The following ARFIP1 variants were observed in gnomAD, a reference collection of about 807,000 sequenced individuals.
ARFIP1 encodes ARF interacting protein 1.
In ARFIP1, 24 loss-of-function variants were observed where a neutral mutation model predicts 42.5. The observed-to-expected ratio is 0.57, with a 90% CI of 0.41 to 0.80. The LOEUF (loss-of-function observed/expected upper bound fraction) is 0.80. Among genes scored for constraint, ARFIP1 ranks in the 30% least tolerant of loss-of-function variants. The pLI is 0.00. For synonymous variants in ARFIP1, 141 were observed against 153.7 expected, an observed-to-expected ratio of 0.92 and a Z score of 0.61; for missense variants, 354 against 434.0, an observed-to-expected ratio of 0.82 and a Z score of 1.64.
intron 1 of ARFIP1, among the ~76,000 whole-genome samples, chr4:152,813,431 G>A (rs1729627128): frequency 6.6e-6 from 1 of 152,016 alleles, no homozygotes; most frequent in South Asian, 2.1e-4. Flanking sequence ...TCTCTACTCT[G>A]CGTTTTTCCT....
intron 2 of ARFIP1, among the ~76,000 whole-genome samples, chr4:152,862,707 T>C (rs538640879): frequency 1.3e-5 from 2 of 152,188 alleles, no homozygotes; most frequent in Non-Finnish European, 2.9e-5. Context: ...AATAGAAAAG[T>C]GATTTTATTG....
At chr4:152,864,880 CT>C (rs1734190753) in intron 3 of ARFIP1, among the ~76,000 whole-genome samples, 1 of 129,408 alleles carries the variant, frequency 7.7e-6, no homozygotes, top group Non-Finnish European at 1.7e-5. Flanking sequence ...TGGCTCCTTT[CT>C]TAATGCTTTT....
chr4:152,840,282 G>A (rs1393812550), intron 2 of ARFIP1, among the ~76,000 whole-genome samples: 1 of 152,190 alleles, frequency 6.6e-6, no homozygotes, highest in Admixed American at 6.5e-5. Flanking sequence ...CCAAGGTATA[G>A]TTTAAATCCA....
At chr4:152,846,758 A>G (rs1378426715) in intron 2 of ARFIP1, among the ~76,000 whole-genome samples, 1 of 152,166 alleles carries the variant, frequency 6.6e-6, no homozygotes, top group Non-Finnish European at 1.5e-5. Context: ...ACTTATATAC[A>G]TGTTTCTTTT....
chr4:152,804,367 T>TATATATAATATAACATGTATTATATATA (rs1728796219), intron 1 of ARFIP1, among the ~76,000 whole-genome samples: 2 of 95,112 alleles, frequency 2.1e-5, no homozygotes, highest in African/African-American at 4.6e-5. Context: ...TATTATATAT[T>TATATATAATATAACATGTATTATATATA]ATATATAATA....
At chr4:152,901,320 G>C (rs754542252) in intron 8 of ARFIP1, among the ~76,000 whole-genome samples, 2 of 152,018 alleles carry the variant, frequency 1.3e-5, no homozygotes, top group Non-Finnish European at 2.9e-5. Context: ...GAAAGTTTTC[G>C]GTGTAGTCCA....
At position 152,786,181 on chromosome 4, in the gene ARFIP1, A is replaced by G. The variant is rs115420668; in HGVS notation, c.-10+5955A>G. On this transcript the variant is annotated intron_variant, in intron 1 of 8. Coordinates refer to ENST00000353617, the MANE Select transcript of ARFIP1 (RefSeq NM_001025595.3). The stretch of plus-strand genomic sequence containing the variant: ...GGGGATTATAGTTAGCTGCTTTTCT[A>G]GGATAAAGATGTCAGCTTCATTAAG... Among the ~76,000 whole-genome samples the G allele has an allele frequency of 1.7e-3, 253 of 152,326 alleles. 1 individual carries two copies. The highest frequency in any genetic ancestry group is 5.4e-3 in the African/African-American group (225 of 41,572).
At chr4:152,904,176 G>GTATATATATATATATATATA (rs1435452275) in intron 8 of ARFIP1, among the ~76,000 whole-genome samples, 1 of 98,996 alleles carries the variant, frequency 1.0e-5, no homozygotes, top group African/African-American at 3.6e-5. Context: ...ATATGTGTGT[G>GTATATATATATATATATATA]TGTGTATATA....
At chr4:152,833,733 A>G (rs1334097742) in intron 2 of ARFIP1, among the ~76,000 whole-genome samples, 1 of 152,234 alleles carries the variant, frequency 6.6e-6, no homozygotes, top group African/African-American at 2.4e-5. Context: ...GTAACAGCAT[A>G]GGTGAACCTG....
chr4:152,904,351 C>T (rs1469763516), intron 8 of ARFIP1, among the ~76,000 whole-genome samples: 1 of 151,776 alleles, frequency 6.6e-6, no homozygotes, highest in Non-Finnish European at 1.5e-5. Flanking sequence ...GCCACCACGC[C>T]CGGCTCATTT....
intron 1 of ARFIP1, among the ~76,000 whole-genome samples, chr4:152,793,536 A>G (rs1731257130): frequency 6.6e-6 from 1 of 152,032 alleles, no homozygotes; most frequent in South Asian, 2.1e-4. Context: ...CTCCATATGT[A>G]CTAAGTTTTC....
intron 3 of ARFIP1, among the ~76,000 whole-genome samples, chr4:152,864,283 A>G (rs1369938147): frequency 6.6e-6 from 1 of 152,158 alleles, no homozygotes; most frequent in Non-Finnish European, 1.5e-5. Flanking sequence ...GACTCTTCCA[A>G]GCTGTTCTTA....
chr4:152,802,387 G>T (rs564189068), intron 1 of ARFIP1, among the ~76,000 whole-genome samples: 1 of 152,182 alleles, frequency 6.6e-6, no homozygotes, highest in South Asian at 2.1e-4. Context: ...CTGAACTTAA[G>T]AATTTGATCC....
In ARFIP1 at chr4:152,846,368, AACGCACACAC is replaced by A. The variant is rs1015054603; in HGVS notation, c.93+16655_93+16664del. ...GAATCTGAAATAAAAGTTGAAATTA[AACGCACACAC>A]ACGCACACACACACACAAAGAGCAT... is the stretch of plus-strand genomic sequence containing the variant. On this transcript the variant is annotated intron_variant, in intron 2 of 8. Coordinates refer to ENST00000353617, the MANE Select transcript of ARFIP1 (RefSeq NM_001025595.3). Among the ~76,000 whole-genome samples, 6 of 152,148 alleles carry A rather than the reference AACGCACACAC, an allele frequency of 3.9e-5. No homozygotes were observed. The South Asian group carries it at 6.2e-4, about 16-fold the overall frequency.
rs577983192 is a variant in ARFIP1, at chr4:152,782,215, C to G, written c.-10+1989C>G. On this transcript the variant is annotated intron_variant, in intron 1 of 8. Coordinates refer to ENST00000353617, the MANE Select transcript of ARFIP1 (RefSeq NM_001025595.3). ...AGTGTCTTGTTGAAGTTAGTGAAAA[C>G]AGGTAGGGGTGTGTGTGTGTGTGTG... Among the ~76,000 whole-genome samples, 313 of 138,434 alleles carry G rather than the reference C, an allele frequency of 2.3e-3. 1 individual carries two copies. Among genetic ancestry groups the G allele is most frequent in the Non-Finnish European group, 4.0e-3 (263 of 65,492 alleles). 90.8% of individuals were successfully genotyped at this position (138,434 alleles called of 152,430 possible). A position where few individuals can be genotyped will look rare whatever the true frequency, so the allele number is the denominator to read the frequency against.
chr4:152,814,736 T>G (rs1416417768), intron 1 of ARFIP1, among the ~76,000 whole-genome samples: 1 of 152,114 alleles, frequency 6.6e-6, no homozygotes, highest in Non-Finnish European at 1.5e-5. Context: ...GGTAAAAGAA[T>G]AAGCAAAAGT....
At chr4:152,864,083 A>G (rs1233334667) in intron 3 of ARFIP1, among the ~76,000 whole-genome samples, 3 of 152,194 alleles carry the variant, frequency 2.0e-5, no homozygotes, top group Non-Finnish European at 4.4e-5. Flanking sequence ...AAATAGAAAA[A>G]TGAACTTTTT....
chr4:152,815,493 A>G (rs1283615627), intron 1 of ARFIP1, among the ~76,000 whole-genome samples: 2 of 152,168 alleles, frequency 1.3e-5, no homozygotes, highest in African/African-American at 4.8e-5. Context: ...CCAGTAACCT[A>G]CTTACCTTCT....
chr4:152,808,282 C>CCTTTTTTTTTTTTTTTTTTTTTTTTTTTT (rs1729145464), intron 1 of ARFIP1, among the ~76,000 whole-genome samples: 1 of 15,552 alleles, frequency 6.4e-5, no homozygotes. Context: ...GCCTGGCCTC[C>CCTTTTTTTTTTTTTTTTTTTTTTTTTTTT]ATTTTTTTTT....
Sources: allele counts gnomAD v4.1 joint callset (sites outside exome capture counted in the v4.1 genomes callset), GRCh38; gene constraint gnomAD v4.1.1; transcripts MANE v1.5; gene names NCBI Gene and HGNC (gene_info 2026-07-23, HGNC 2026-07-21).